Variants in ATXN1 observed in about 807,000 individuals in gnomAD.
ATXN1 encodes ataxin 1.
Under a neutral mutation model 56.4 loss-of-function variants are expected in ATXN1, and 8 were observed. The ratio of observed to expected loss-of-function variants is 0.14; its 90% CI spans 0.08 to 0.26. ATXN1 has a LOEUF of 0.26. ATXN1 is among the 10% of genes least tolerant of loss of function. The probability of loss-of-function intolerance (pLI) is 1.00; values close to 1 mark genes in which losing one functional copy is unlikely to be tolerated. For synonymous variants in ATXN1, 514 were observed against 494.6 expected (o/e 1.04, Z -0.52); for missense variants, 987 against 1,106.5 (o/e 0.89, Z 1.53).
chr6:16,342,884 T>C (rs1445984959), intron 6 of ATXN1, among the ~76,000 whole-genome samples: 1 of 151,620 alleles, frequency 6.6e-6, no homozygotes, highest in Non-Finnish European at 1.5e-5. Flanking sequence ...GCAATGGGAG[T>C]TGTTTAACGG....
Position 16,760,894 on chromosome 6 carries a change from G to A in ATXN1, c.-730+404C>T, listed in dbSNP as rs552762589. Among the ~76,000 whole-genome samples, 164 of 147,140 alleles carry A rather than the reference G, an allele frequency of 1.1e-3. 3 individuals carry two copies. In the East Asian group the frequency reaches 0.03, roughly 27 times the overall value. On this transcript the variant is annotated intron_variant, in intron 1 of 7. Transcript: ENST00000436367. This position sits in a 1 kb window ranked among gnomAD's most constrained non-coding sequence, Gnocchi z 5.3. Reference sequence around the variant, plus strand: ...CTTGCGACCGGACCAGCAGCCGGGGGAGCGGGGCGCCGCCGCCGCTCTCCC... The same window carrying A: ...CTTGCGACCGGACCAGCAGCCGGGGAAGCGGGGCGCCGCCGCCGCTCTCCC...
chr6:16,348,861 G>A (rs1052028576), intron 6 of ATXN1, among the ~76,000 whole-genome samples: 4 of 152,184 alleles, frequency 2.6e-5, no homozygotes, highest in African/African-American at 9.7e-5. Flanking sequence ...TATGACTGCT[G>A]CAGCAAACAG....
At chr6:16,461,039 C>T (rs900287764) in intron 6 of ATXN1, among the ~76,000 whole-genome samples, 1 of 152,122 alleles carries the variant, frequency 6.6e-6, no homozygotes, top group Non-Finnish European at 1.5e-5. Context: ...TGCAAAAACC[C>T]AAGGAGGTGG....
At chr6:16,710,459 G>A (rs1314515737) in intron 2 of ATXN1, among the ~76,000 whole-genome samples, 1 of 152,030 alleles carries the variant, frequency 6.6e-6, no homozygotes, top group Non-Finnish European at 1.5e-5. Context: ...AACTCTGAAG[G>A]AGATAGAACA....
intron 2 of ATXN1, among the ~76,000 whole-genome samples, chr6:16,684,240 TC>T (rs1758872030): frequency 6.6e-6 from 1 of 152,200 alleles, no homozygotes; most frequent in South Asian, 2.1e-4. Flanking sequence ...TTTAAAGTTT[TC>T]TTTATTGGAT....
At chr6:16,477,534 GA>G (rs1462452234) in intron 6 of ATXN1, among the ~76,000 whole-genome samples, 1 of 152,170 alleles carries the variant, frequency 6.6e-6, no homozygotes, top group African/African-American at 2.4e-5. Context: ...CGTTACACTG[GA>G]TGGCTTTCAG....
chr6:16,490,242 C>G (rs1433237728), intron 5 of ATXN1, among the ~76,000 whole-genome samples: 2 of 151,984 alleles, frequency 1.3e-5, no homozygotes, highest in African/African-American at 4.8e-5. Context: ...TGAATCCATT[C>G]TCCTCCTACT....
intron 6 of ATXN1, among the ~76,000 whole-genome samples, chr6:16,394,762 T>C (rs1758418888): frequency 6.6e-6 from 1 of 152,180 alleles, no homozygotes; most frequent in East Asian, 1.9e-4. Flanking sequence ...CAGTAGAGAA[T>C]GTGAGACCAA....
intron 2 of ATXN1, among the ~76,000 whole-genome samples, chr6:16,745,222 G>T (rs1320532243): frequency 6.6e-6 from 1 of 152,204 alleles, no homozygotes; most frequent in African/African-American, 2.4e-5. Flanking sequence ...GCAATTCAGA[G>T]CAAGCTCCCT....
chr6:16,614,172 G>GT, intron 3 of ATXN1, among the ~76,000 whole-genome samples: 1 of 151,810 alleles, frequency 6.6e-6, no homozygotes, highest in East Asian at 1.9e-4. Flanking sequence ...GAATTTCATG[G>GT]TTTTTTTGAC....
At chr6:16,660,239 T>G (rs1758288240) in intron 2 of ATXN1, among the ~76,000 whole-genome samples, 1 of 152,218 alleles carries the variant, frequency 6.6e-6, no homozygotes, top group Non-Finnish European at 1.5e-5. Context: ...TATCCCTTCT[T>G]GTTTACCATT....
chr6:16,423,968 T>G (rs978346142), intron 6 of ATXN1, among the ~76,000 whole-genome samples: 21 of 152,360 alleles, frequency 1.4e-4, no homozygotes, highest in African/African-American at 4.8e-4. Context: ...GCTATGGCTG[T>G]GCCTATAGCA....
intron 3 of ATXN1, among the ~76,000 whole-genome samples, chr6:16,598,344 T>G (rs920397592): frequency 3.3e-5 from 5 of 152,222 alleles, no homozygotes; most frequent in African/African-American, 9.7e-5. Flanking sequence ...TTAAAGATGT[T>G]TTCTCTTTTG....
chr6:16,594,903 G>A (rs567577812), intron 3 of ATXN1, among the ~76,000 whole-genome samples: 16 of 152,288 alleles, frequency 1.1e-4, no homozygotes, highest in African/African-American at 3.6e-4. Flanking sequence ...GTAAGATGAC[G>A]GTTACTTTAC....
chr6:16,476,898 C>T (rs1760336534), intron 6 of ATXN1, among the ~76,000 whole-genome samples: 1 of 152,194 alleles, frequency 6.6e-6, no homozygotes, highest in Admixed American at 6.5e-5. Context: ...GTCAGTTACA[C>T]CCTAAATGTC....
At chr6:16,483,014 G>A (rs1265067943) in intron 6 of ATXN1, among the ~76,000 whole-genome samples, 1 of 152,136 alleles carries the variant, frequency 6.6e-6, no homozygotes, top group Non-Finnish European at 1.5e-5. Context: ...CATAAAATGA[G>A]TCCCCATGGT....
At chr6:16,358,355 G>A (rs1336999434) in intron 6 of ATXN1, among the ~76,000 whole-genome samples, 1 of 152,198 alleles carries the variant, frequency 6.6e-6, no homozygotes, top group Non-Finnish European at 1.5e-5. Flanking sequence ...ACTTGCACAT[G>A]CATGTTTACA....
intron 3 of ATXN1, among the ~76,000 whole-genome samples, chr6:16,599,975 AG>A (rs1762885113): frequency 6.6e-6 from 1 of 152,212 alleles, no homozygotes; most frequent in African/African-American, 2.4e-5. Context: ...CAAAAGGGAA[AG>A]GTGGGAAACA....
At chr6:16,553,617 T>G (rs916433885) in intron 4 of ATXN1, among the ~76,000 whole-genome samples, 1 of 152,194 alleles carries the variant, frequency 6.6e-6, no homozygotes, top group Non-Finnish European at 1.5e-5. Context: ...CTCAAAAATA[T>G]CAGTTGACAG....
Sources: allele counts gnomAD v4.1 joint callset (sites outside exome capture counted in the v4.1 genomes callset), GRCh38; gene constraint gnomAD v4.1.1; non-coding constraint Gnocchi (gnomAD v3.1); transcripts MANE v1.5; gene names NCBI Gene and HGNC (gene_info 2026-07-23, HGNC 2026-07-21).